CNTN4: variants seen among roughly 807,000 people sequenced by gnomAD.
The protein encoded by CNTN4 is contactin 4, also known as contactin-4.
In CNTN4, 77 loss-of-function variants were observed where a neutral mutation model predicts 122.5. The ratio of observed to expected loss-of-function variants is 0.63; its 90% CI spans 0.52 to 0.76. CNTN4 has a LOEUF of 0.76. Among genes scored for constraint, CNTN4 ranks in the 30% least tolerant of loss-of-function variants. CNTN4 has a pLI of 0.00. For missense variants in CNTN4, 1,256 were observed against 1,259.1 expected (o/e 1.00, Z 0.04); for synonymous variants, 512 against 447.0 (o/e 1.15, Z -1.83).
At chr3:2,319,831 C>A (rs1403885560) in intron 2 of CNTN4, among the ~76,000 whole-genome samples, 1 of 152,064 alleles carries the variant, frequency 6.6e-6, no homozygotes, top group Admixed American at 6.6e-5. Flanking sequence ...ACTGTATATT[C>A]TTTTTGGTGT....
In CNTN4 at chr3:2,243,013, A is replaced by G. The variant is rs76683558; in HGVS notation, c.-144-96165A>G. Among the ~76,000 whole-genome samples the G allele has an allele frequency of 2.2e-4, 34 of 152,210 alleles. No individual in the cohort carries two copies. In the East Asian group the frequency reaches 4.8e-3, roughly 22 times the overall value. ...TTTCAGCTGACTTGCTTAGCCTGGT[A>G]TGCAGAATCTGGTGCAAGCTGAGCA... On this transcript the variant is annotated intron_variant, in intron 2 of 24. Coordinates refer to ENST00000418658, the MANE Select transcript of CNTN4 (RefSeq NM_175607.3).
intron 6 of CNTN4, among the ~76,000 whole-genome samples, chr3:2,799,718 A>G (rs557827755): frequency 2.1e-4 from 32 of 152,170 alleles, no homozygotes; most frequent in African/African-American, 7.7e-4. Context: ...ACTTTTTCAC[A>G]TGTATTTTTA....
chr3:2,767,893 CT>C (rs2090933776), intron 6 of CNTN4, among the ~76,000 whole-genome samples: 1 of 152,058 alleles, frequency 6.6e-6, no homozygotes, highest in South Asian at 2.1e-4. Flanking sequence ...TGTTTTTTTC[CT>C]TTAAGTGGTT....
At chr3:2,892,788 A>G (rs1262616552) in intron 10 of CNTN4, among the ~76,000 whole-genome samples, 2 of 152,228 alleles carry the variant, frequency 1.3e-5, no homozygotes, top group African/African-American at 4.8e-5. Flanking sequence ...ACAAGGCTGT[A>G]TTTCACAGAA....
chr3:2,732,184 T>A (rs1257459441), intron 4 of CNTN4, among the ~76,000 whole-genome samples: 1 of 152,182 alleles, frequency 6.6e-6, no homozygotes. Flanking sequence ...TTGGCCGATG[T>A]TCTGTTCTTA....
At chr3:3,017,795 C>T (rs564186804) in intron 14 of CNTN4, among the ~76,000 whole-genome samples, 6 of 152,288 alleles carry the variant, frequency 3.9e-5, no homozygotes, top group Admixed American at 6.5e-5. Flanking sequence ...AACTCCCAAA[C>T]CAAAATTACA....
chr3:2,745,536 G>A lies in CNTN4; in HGVS notation c.197G>A (p.Gly66Glu). 6.2e-7 allele frequency: 1 copy of A among 1,613,932 alleles called. No homozygotes were observed. Among genetic ancestry groups the A allele is most frequent in the Non-Finnish European group, 8.5e-7 (1 of 1,179,884 alleles). ...TTATACTATAGGTGGAAGTTAAATG[G>A]AACAGATGTTGACACTGGTATGGAT... ...PKPHIRWKLN[G>E]TDVDTGMDFR... The change falls in exon 6 of 25, where the codon GGA becomes GAA. Residue 66 changes from glycine to glutamate, a missense_variant. Gly to Glu is a moderately conservative substitution (Grantham distance 98). Coordinates refer to ENST00000418658, the MANE Select transcript of CNTN4 (RefSeq NM_175607.3).
At chr3:2,676,686 TCA>T (rs2084864705) in intron 4 of CNTN4, among the ~76,000 whole-genome samples, 4 of 152,340 alleles carry the variant, frequency 2.6e-5, no homozygotes, top group Admixed American at 1.3e-4. Context: ...GGGAATTTTT[TCA>T]GTGTTGTTTT....
In CNTN4 at chr3:2,925,478, G is replaced by C. The variant is rs935650821; in HGVS notation, c.1208-151G>C. The C allele has an allele frequency of 5.7e-5, 40 of 702,806 alleles. 1 individual carries two copies. Among genetic ancestry groups the C allele is most frequent in the Non-Finnish European group, 8.3e-5 (36 of 431,796 alleles). The allele number at this position is 702,806 out of a possible 1,614,324, so 43.5% of individuals were successfully genotyped here. A position where few individuals can be genotyped will look rare whatever the true frequency, so the allele number is the denominator to read the frequency against. ...TGAGGCAGGAGAGTCACTTGAACCC[G>C]GGAGGCGGAGGTTGCAGTGAGCCAA... On this transcript the variant is annotated intron_variant, in intron 12 of 24. Coordinates refer to ENST00000418658, the MANE Select transcript of CNTN4 (RefSeq NM_175607.3).
At chr3:2,863,954 G>A (rs1336565553) in intron 7 of CNTN4, among the ~76,000 whole-genome samples, 3 of 152,274 alleles carry the variant, frequency 2.0e-5, no homozygotes, top group Non-Finnish European at 2.9e-5. Context: ...AGGCACTTCC[G>A]GTTGTTTGCA....
intron 19 of CNTN4, 185 bp downstream of exon 19, chr3:3,039,188 T>C: frequency 1.6e-6 from 1 of 611,532 alleles, no homozygotes; most frequent in Admixed American, 2.5e-5. Flanking sequence ...CCATCCATTG[T>C]TGAGGCAAGT....
chr3:2,366,692 G>C (rs973926801), intron 3 of CNTN4, among the ~76,000 whole-genome samples: 1 of 151,208 alleles, frequency 6.6e-6, no homozygotes, highest in Non-Finnish European at 1.5e-5. Context: ...GCACCACTGC[G>C]CTCCAGCCTG....
intron 4 of CNTN4, among the ~76,000 whole-genome samples, chr3:2,711,709 T>C (rs1197007427): frequency 6.6e-6 from 1 of 152,182 alleles, no homozygotes; most frequent in Non-Finnish European, 1.5e-5. Flanking sequence ...GAGACTTGTC[T>C]AGTCACCCAA....
At chr3:2,455,780 G>A (rs2048976653) in intron 3 of CNTN4, among the ~76,000 whole-genome samples, 2 of 152,010 alleles carry the variant, frequency 1.3e-5, no homozygotes, top group Non-Finnish European at 2.9e-5. Flanking sequence ...TGTAGTCCCT[G>A]AAAGAGAATT....
chr3:2,982,252 T>G (rs1032130633), intron 13 of CNTN4, among the ~76,000 whole-genome samples: 1 of 152,168 alleles, frequency 6.6e-6, no homozygotes, highest in African/African-American at 2.4e-5. Flanking sequence ...ATCAAGGCAG[T>G]CATCACGGAA....
chr3:2,718,749 T>C (rs898850369), intron 4 of CNTN4, among the ~76,000 whole-genome samples: 1 of 152,208 alleles, frequency 6.6e-6, no homozygotes, highest in African/African-American at 2.4e-5. Context: ...GTCCCTGAAA[T>C]ACCCTGAAGA....
At chr3:2,713,103 G>A (rs2087252177) in intron 4 of CNTN4, among the ~76,000 whole-genome samples, 1 of 152,212 alleles carries the variant, frequency 6.6e-6, no homozygotes, top group Non-Finnish European at 1.5e-5. Flanking sequence ...CAGTCAGGCA[G>A]AAGTTCCAGA....
chr3:2,740,786 A>G (rs916490470), intron 5 of CNTN4, among the ~76,000 whole-genome samples: 1 of 152,204 alleles, frequency 6.6e-6, no homozygotes. Context: ...GTAATTTTCA[A>G]ATAGGCAGAG....
intron 6 of CNTN4, among the ~76,000 whole-genome samples, chr3:2,791,457 C>A (rs56280607): frequency 0.27 from 40,964 of 151,430 alleles, 5,890 homozygotes; most frequent in Non-Finnish European, 0.32. Context: ...CACCTGAGCC[C>A]AGGAGGTTGA....
Sources: gnomAD v4.1 joint callset for allele counts (sites outside exome capture counted in the v4.1 genomes callset) on GRCh38, gnomAD v4.1.1 for gene constraint, MANE v1.5 for transcripts, NCBI Gene and HGNC (gene_info 2026-07-23, HGNC 2026-07-21) for gene names.